Variants in TAS2R1 observed in about 807,000 individuals in gnomAD.
TAS2R1 encodes the protein taste 2 receptor member 1.
For synonymous variants in TAS2R1, 141 were observed against 134.2 expected, an observed-to-expected ratio of 1.05 and a Z score of -0.35; for missense variants, 370 against 353.4, an observed-to-expected ratio of 1.05 and a Z score of -0.38.
At chr5:9,871,363 T>C in the TAS2R1 span, among the ~76,000 whole-genome samples, 13 of 152,184 alleles carry the variant, frequency 8.5e-5, no homozygotes, top group African/African-American at 1.9e-4. Context: ...GCTGCATTCA[T>C]ATAAGCATCA....
the TAS2R1 span, among the ~76,000 whole-genome samples, chr5:9,877,669 T>C: frequency 6.6e-6 from 1 of 152,248 alleles, no homozygotes; most frequent in African/African-American, 2.4e-5. Context: ...GGGTAAATGG[T>C]TGACTCACAC....
chr5:9,862,265 C>A, the TAS2R1 span, among the ~76,000 whole-genome samples: 1 of 152,122 alleles, frequency 6.6e-6, no homozygotes, highest in Admixed American at 6.5e-5. Context: ...CATTCGTTTT[C>A]AGTTAAAAGA....
intron 1 of TAS2R1, among the ~76,000 whole-genome samples, chr5:9,669,327 G>A (rs970004970): frequency 8.5e-5 from 13 of 152,150 alleles, no homozygotes; most frequent in African/African-American, 3.1e-4. Flanking sequence ...AATTCAACAT[G>A]CCACTGACAG....
At chr5:9,711,205 C>G (rs375407653) in intron 1 of TAS2R1, among the ~76,000 whole-genome samples, 2 of 151,900 alleles carry the variant, frequency 1.3e-5, no homozygotes, top group Non-Finnish European at 2.9e-5. Flanking sequence ...CAAAGAGATA[C>G]CTGCACTCCC....
At position 9,629,006 on chromosome 5, in the gene TAS2R1, G is replaced by T; in HGVS notation, c.*127C>A. ...ATATCCACAGAAATACCTCAGGCTG[G>T]ATAAACAGGCCTGAAGGGGACATGT... On this transcript the variant is annotated 3_prime_UTR_variant, in exon 1 of 1. Coordinates refer to ENST00000382492, the MANE Select transcript of TAS2R1 (RefSeq NM_019599.3). The T allele has an allele frequency of 2.0e-6, 2 of 997,634 alleles. No homozygotes were observed. The highest frequency in any genetic ancestry group is 1.4e-6 in the Non-Finnish European group (1 of 714,122). 61.8% of individuals were successfully genotyped at this position (997,634 alleles called of 1,614,324 possible). A position where few individuals can be genotyped will look rare whatever the true frequency, so the allele number is the denominator to read the frequency against.
upstream of TAS2R1, among the ~76,000 whole-genome samples, chr5:9,632,782 T>C: frequency 6.6e-6 from 1 of 152,244 alleles, no homozygotes; most frequent in East Asian, 1.9e-4. Context: ...TCTCATTCTA[T>C]TTCCACCACA....
chr5:9,903,525 C>T, the TAS2R1 span: 1 of 152,004 alleles, frequency 6.6e-6, no homozygotes, highest in African/African-American at 2.4e-5. Flanking sequence ...ATTTTTATAC[C>T]TTTGTGTTCT....
At chr5:9,887,872 G>C in the TAS2R1 span, among the ~76,000 whole-genome samples, 10 of 152,292 alleles carry the variant, frequency 6.6e-5, no homozygotes, top group African/African-American at 2.4e-4. Context: ...ACAATGGATA[G>C]AATTTTGCGT....
the TAS2R1 span, among the ~76,000 whole-genome samples, chr5:9,719,834 C>T: frequency 1.4e-5 from 2 of 146,912 alleles, no homozygotes; most frequent in Admixed American, 6.9e-5. Context: ...AGGAGAATGG[C>T]GTCAACCTGG....
At chr5:9,801,693 G>A in the TAS2R1 span, among the ~76,000 whole-genome samples, 27 of 152,178 alleles carry the variant, frequency 1.8e-4, no homozygotes, top group Admixed American at 5.2e-4. Context: ...GGGGCACAGT[G>A]GGAAGTGAGA....
the TAS2R1 span, among the ~76,000 whole-genome samples, chr5:9,861,037 G>GTTTTTTTTTTTGTTTTTTTT: frequency 2.3e-5 from 2 of 88,612 alleles, no homozygotes; most frequent in Non-Finnish European, 4.3e-5. Context: ...GGAAGATGAG[G>GTTTTTTTTTTTGTTTTTTTT]TTTTTTTTTT....
At chr5:9,659,929 T>C (rs1740496372) in intron 1 of TAS2R1, 1 of 152,074 alleles carries the variant, frequency 6.6e-6, no homozygotes, top group South Asian at 2.1e-4. Flanking sequence ...CACCAGTGAG[T>C]CCCTCAAGAC....
the TAS2R1 span, among the ~76,000 whole-genome samples, chr5:9,756,323 G>A: frequency 6.6e-6 from 1 of 152,156 alleles, no homozygotes; most frequent in South Asian, 2.1e-4. Context: ...ATTTATTACT[G>A]TAATTAATAT....
intron 1 of TAS2R1, among the ~76,000 whole-genome samples, chr5:9,709,493 T>C (rs948313568): frequency 1.3e-5 from 2 of 152,160 alleles, no homozygotes; most frequent in African/African-American, 2.4e-5. Context: ...ATTTATACCC[T>C]TATGAAGTCC....
chr5:9,891,525 A>G, the TAS2R1 span, among the ~76,000 whole-genome samples: 1 of 152,130 alleles, frequency 6.6e-6, no homozygotes. Flanking sequence ...TGCACAGAGT[A>G]TGGGTTCCAA....
the TAS2R1 span, among the ~76,000 whole-genome samples, chr5:9,787,223 A>C: frequency 3.3e-5 from 5 of 152,178 alleles, no homozygotes; most frequent in South Asian, 8.3e-4. Flanking sequence ...TCAGCTTCTC[A>C]CCAATTGTAG....
At chr5:9,652,335 T>A (rs1225099272) in intron 2 of TAS2R1, among the ~76,000 whole-genome samples, 3 of 152,140 alleles carry the variant, frequency 2.0e-5, no homozygotes, top group Non-Finnish European at 4.4e-5. Context: ...GCTGAACACT[T>A]CCCAGGATCC....
At chr5:9,866,416 C>T in the TAS2R1 span, among the ~76,000 whole-genome samples, 1 of 152,098 alleles carries the variant, frequency 6.6e-6, no homozygotes, top group Non-Finnish European at 1.5e-5. Flanking sequence ...TTTTTGTACA[C>T]CTGTTTTATT....
At chr5:9,792,121 T>A in the TAS2R1 span, among the ~76,000 whole-genome samples, 31 of 152,236 alleles carry the variant, frequency 2.0e-4, no homozygotes, top group East Asian at 5.2e-3. Flanking sequence ...AAATTTGAAG[T>A]CCCAAGACCT....
Sources: gnomAD v4.1 joint callset for allele counts (sites outside exome capture counted in the v4.1 genomes callset) on GRCh38, gnomAD v4.1.1 for gene constraint, MANE v1.5 for transcripts, NCBI Gene and HGNC (gene_info 2026-07-23, HGNC 2026-07-21) for gene names.